HDAC9: variants seen among roughly 807,000 people sequenced by gnomAD.
HDAC9 encodes the protein MEF-2 interacting transcription repressor (MITR) protein.
In HDAC9, 41 loss-of-function variants were observed where a neutral mutation model predicts 139.4. The observed-to-expected ratio is 0.29, with a 90% CI of 0.23 to 0.38. HDAC9 has a LOEUF of 0.38. HDAC9 is among the 10% of genes least tolerant of loss of function. The probability of loss-of-function intolerance (pLI) is 1.00; values close to 1 mark genes in which losing one functional copy is unlikely to be tolerated. For missense variants in HDAC9, 1,147 were observed against 1,297.0 expected (o/e 0.88, Z 1.78); for synonymous variants, 517 against 476.2 (o/e 1.09, Z -1.12).
At chr7:18,575,578 T>C (rs1177691430) in intron 2 of HDAC9, among the ~76,000 whole-genome samples, 1 of 152,202 alleles carries the variant, frequency 6.6e-6, no homozygotes, top group South Asian at 2.1e-4. Context: ...AGAGATACAG[T>C]GGAGTCTAGG....
chr7:18,366,068 A>C (rs1562922261), intron 1 of HDAC9, among the ~76,000 whole-genome samples: 1 of 145,432 alleles, frequency 6.9e-6, no homozygotes, highest in Non-Finnish European at 1.5e-5. Context: ...TTTGAAAAAT[A>C]TTTATTTCAA....
intron 2 of HDAC9, among the ~76,000 whole-genome samples, chr7:18,257,517 G>A (rs1795356932): frequency 6.6e-6 from 1 of 151,980 alleles, no homozygotes; most frequent in Middle Eastern, 3.4e-3. Context: ...TATCCATTTT[G>A]TATAAATAAA....
intron 2 of HDAC9, among the ~76,000 whole-genome samples, chr7:18,195,649 G>T (rs541053063): frequency 1.3e-5 from 2 of 152,146 alleles, no homozygotes. Flanking sequence ...AGCCGGGCCT[G>T]CTTCTCCTCA....
chr7:18,771,667 A>T (rs775471341), intron 16 of HDAC9, among the ~76,000 whole-genome samples: 1 of 152,076 alleles, frequency 6.6e-6, no homozygotes, highest in East Asian at 1.9e-4. Context: ...TTATTACACC[A>T]CATTGGTCCT....
intron 2 of HDAC9, among the ~76,000 whole-genome samples, chr7:18,180,068 C>A (rs1789267749): frequency 6.6e-6 from 1 of 152,134 alleles, no homozygotes; most frequent in South Asian, 2.1e-4. Flanking sequence ...CACTTTTGAG[C>A]ACATAGAATT....
chr7:18,395,058 A>G (rs1258139166), intron 1 of HDAC9: 2 of 152,120 alleles, frequency 1.3e-5, no homozygotes, highest in African/African-American at 4.8e-5. Context: ...TAATATCGTA[A>G]TTTTACAAGG....
chr7:18,383,338 A>G (rs1785608205), intron 1 of HDAC9, among the ~76,000 whole-genome samples: 1 of 152,176 alleles, frequency 6.6e-6, no homozygotes, highest in South Asian at 2.1e-4. Context: ...TGATGTTGTC[A>G]CATTTCCCTG....
At chr7:18,530,008 C>T (rs1217830516) in intron 2 of HDAC9, among the ~76,000 whole-genome samples, 7 of 152,088 alleles carry the variant, frequency 4.6e-5, no homozygotes, top group Non-Finnish European at 1.0e-4. Flanking sequence ...CGGTGGTTCA[C>T]TTCCGTAATC....
At chr7:18,459,608 C>T (rs1220762196) in intron 1 of HDAC9, among the ~76,000 whole-genome samples, 1 of 151,980 alleles carries the variant, frequency 6.6e-6, no homozygotes, top group Non-Finnish European at 1.5e-5. Flanking sequence ...GCCAGTAAAT[C>T]GTCCTGCCTG....
chr7:18,721,154 AATT>A (rs1339211147), intron 12 of HDAC9, among the ~76,000 whole-genome samples: 1 of 152,116 alleles, frequency 6.6e-6, no homozygotes, highest in African/African-American at 2.4e-5. Context: ...ATTTTTGAAA[AATT>A]ATTAAACAAT....
At chr7:18,356,358 GTTTTTTTTTTTTTTTT>G in intron 1 of HDAC9, among the ~76,000 whole-genome samples, 1 of 55,162 alleles carries the variant, frequency 1.8e-5, no homozygotes, top group Admixed American at 3.2e-4. Flanking sequence ...CAGCACATAG[GTTTTTTTTTTTTTTTT>G]TTTTTTTTTT....
At chr7:18,100,700 C>T (rs1298145081) in intron 1 of HDAC9, among the ~76,000 whole-genome samples, 1 of 152,090 alleles carries the variant, frequency 6.6e-6, no homozygotes, top group Non-Finnish European at 1.5e-5. Flanking sequence ...TTTGCAAATT[C>T]TAATGTCTTT....
chr7:18,675,798 C>G (rs1428176837), intron 12 of HDAC9, among the ~76,000 whole-genome samples: 3 of 151,954 alleles, frequency 2.0e-5, no homozygotes, highest in Admixed American at 2.0e-4. Flanking sequence ...CCTTTCATGA[C>G]TTACAGGGAA....
chr7:18,426,013 G>A (rs1790081576), intron 1 of HDAC9, among the ~76,000 whole-genome samples: 1 of 152,152 alleles, frequency 6.6e-6, no homozygotes, highest in South Asian at 2.1e-4. Context: ...TCTCAGTGGG[G>A]AATAGACTCT....
rs1324877174 is a variant in HDAC9 at position 18,704,662 on chromosome 7, A to G, written c.1732-22918A>G. ...AGATAAAATGAAGAATTTGAAGTTT[A>G]AACATACTGCTGATTTCAGTAGCTG... On this transcript the variant is annotated intron_variant, in intron 12 of 25. Coordinates refer to ENST00000686413, the MANE Select transcript of HDAC9 (RefSeq NM_178425.4). Among the ~76,000 whole-genome samples the G allele has an allele frequency of 3.9e-5, 6 of 152,232 alleles. No homozygotes were observed. The East Asian group carries it at 7.7e-4, about 20-fold the overall frequency.
chr7:18,777,652 GA>G (rs1562934152), intron 16 of HDAC9, among the ~76,000 whole-genome samples: 1 of 151,678 alleles, frequency 6.6e-6, no homozygotes, highest in African/African-American at 2.4e-5. Context: ...ATAGAATCAA[GA>G]AAAAAAACTT....
intron 22 of HDAC9, among the ~76,000 whole-genome samples, chr7:18,920,618 T>C (rs1447088851): frequency 6.6e-6 from 1 of 152,134 alleles, no homozygotes; most frequent in African/African-American, 2.4e-5. Flanking sequence ...CAGTAAGATA[T>C]TGGCTGTGGG....
intron 6 of HDAC9, among the ~76,000 whole-genome samples, chr7:18,617,785 A>G (rs1448506136): frequency 1.3e-5 from 2 of 152,196 alleles, no homozygotes; most frequent in African/African-American, 2.4e-5. Flanking sequence ...AATTTCTGTT[A>G]TATGAGTAAA....
At chr7:18,610,112 T>A (rs1278969407) in intron 6 of HDAC9, among the ~76,000 whole-genome samples, 1 of 152,158 alleles carries the variant, frequency 6.6e-6, no homozygotes, top group Middle Eastern at 3.2e-3. Flanking sequence ...ATATGTTTAT[T>A]GCGGCACTAT....
Sources: gnomAD v4.1 joint callset for allele counts (sites outside exome capture counted in the v4.1 genomes callset) on GRCh38, gnomAD v4.1.1 for gene constraint, MANE v1.5 for transcripts, NCBI Gene and HGNC (gene_info 2026-07-23, HGNC 2026-07-21) for gene names.